Variants in SCN10A observed in about 807,000 individuals in gnomAD.
SCN10A encodes sodium voltage-gated channel alpha subunit 10, also known as sodium channel protein type 10 subunit alpha.
SCN10A carries 162 observed loss-of-function variants against 170.7 expected under a neutral mutation model. The observed-to-expected ratio is 0.95, with a 90% confidence interval of 0.84 to 1.08. The LOEUF is 1.08. Among genes scored for constraint, SCN10A ranks in the 50% least tolerant of loss-of-function variants. SCN10A has a pLI of 0.00. For missense variants in SCN10A, 2,527 were observed against 2,436.9 expected (o/e 1.04, Z -0.78); for synonymous variants, 985 against 904.6 (o/e 1.09, Z -1.59).
At chr3:38,711,783 A>G (rs2063276708) in intron 23 of SCN10A, among the ~76,000 whole-genome samples, 1 of 152,242 alleles carries the variant, frequency 6.6e-6, no homozygotes, top group African/African-American at 2.4e-5. Context: ...ATTATATATC[A>G]TTACAATAGA....
Position 38,742,290 on chromosome 3 carries a change from C to A in SCN10A, c.2106+1G>T, listed in dbSNP as rs758110703. On this transcript the variant is annotated splice_donor_variant, in intron 14 of 27. Transcript: ENST00000449082. LOFTEE classifies it high-confidence loss of function. ...AGGGCAGTACCAGCCAGAGCACTCA[C>A]GATGTTGCCTATCTGGAGCATGGCT... 6.2e-7 allele frequency: 1 copy of A among 1,610,648 alleles called. No homozygotes were observed. Among genetic ancestry groups the A allele is most frequent in the Non-Finnish European group, 8.5e-7 (1 of 1,177,562 alleles).
Position 38,702,181 on chromosome 3 carries a change from A to G in SCN10A, c.4387-72T>C, listed in dbSNP as rs368997757. Reference sequence around the variant, plus strand: ...AACCAGGCATCTGTGTTATCTGTAGATGAGTTTTGTCTCCATCACACTCCA... The same window carrying G: ...AACCAGGCATCTGTGTTATCTGTAGGTGAGTTTTGTCTCCATCACACTCCA... On this transcript the variant is annotated intron_variant, in intron 26 of 27. Coordinates refer to ENST00000449082, the MANE Select transcript of SCN10A (RefSeq NM_006514.4). 1.4e-4 allele frequency: 208 copies of G among 1,471,146 alleles called. 4 individuals carry two copies. The East Asian group carries it at 3.9e-3, about 28-fold the overall frequency. The allele number at this position is 1,471,146 out of a possible 1,614,324, so 91.1% of individuals were successfully genotyped here. A position where few individuals can be genotyped will look rare whatever the true frequency, so the allele number is the denominator to read the frequency against.
chr3:38,814,139 C>T (rs999872448), intron 1 of SCN10A, among the ~76,000 whole-genome samples: 1 of 152,058 alleles, frequency 6.6e-6, no homozygotes, highest in South Asian at 2.1e-4. Flanking sequence ...AGGCACTATG[C>T]CTTGTGAGAG....
intron 22 of SCN10A, 71 bp from the exon 23 acceptor site, chr3:38,712,516 T>A: frequency 1.3e-6 from 2 of 1,507,436 alleles, no homozygotes; most frequent in Non-Finnish European, 1.8e-6. Flanking sequence ...TATCTCTTTC[T>A]ATACTCATTC....
At chr3:38,760,622 G>A (rs370096923) in intron 8 of SCN10A, 59 bp downstream of exon 8, 15 of 1,335,480 alleles carry the variant, frequency 1.1e-5, no homozygotes, top group Middle Eastern at 1.8e-4. Context: ...AATATGCCAA[G>A]GACAAGATGG....
At position 38,794,795 on chromosome 3, in the gene SCN10A, A is replaced by G. The variant is rs376688035; in HGVS notation, c.-32-753T>C. On this transcript the variant is annotated intron_variant, in intron 1 of 27. Transcript: ENST00000449082. ...CAGTTTCTTCTAGTCTGAGGTTTCA[A>G]ATACACTCTTTTCTCACTATTCCCT... is the stretch of plus-strand genomic sequence containing the variant. Among the ~76,000 whole-genome samples the G allele has an allele frequency of 3.3e-5, 5 of 152,278 alleles. No homozygotes were observed. In the East Asian group the frequency reaches 5.8e-4, roughly 18 times the overall value.
intron 24 of SCN10A, 103 bp downstream of exon 24, chr3:38,710,741 C>T (rs1321300804): frequency 1.8e-6 from 2 of 1,131,558 alleles, no homozygotes; most frequent in South Asian, 1.4e-5. Context: ...TGGGTGATCG[C>T]CTCTTCCAGT....
At chr3:38,761,442 T>C (rs2063870686) in intron 6 of SCN10A, 59 bp from the exon 7 acceptor site, 5 of 1,445,340 alleles carry the variant, frequency 3.5e-6, no homozygotes, top group Non-Finnish European at 4.8e-6. Context: ...CGGAGCACAC[T>C]TCTTCATCTT....
At chr3:38,698,756 C>A (rs1179954381) in intron 27 of SCN10A, among the ~76,000 whole-genome samples, 194 bp from the exon 28 acceptor site, 12 of 152,090 alleles carry the variant, frequency 7.9e-5, no homozygotes, top group Non-Finnish European at 1.5e-5. Flanking sequence ...TTGCATAAGT[C>A]CTCTCTTCCT....
At chr3:38,772,736 C>CAA (rs1180592093) in intron 4 of SCN10A, among the ~76,000 whole-genome samples, 1 of 89,454 alleles carries the variant, frequency 1.1e-5, no homozygotes, top group East Asian at 2.5e-4. Context: ...AAAACAAAAA[C>CAA]AAAAAAAAAA....
At chr3:38,702,142 T>C in intron 26 of SCN10A, 33 bp from the exon 27 acceptor site, 1 of 1,523,528 alleles carries the variant, frequency 6.6e-7, no homozygotes, top group Non-Finnish European at 8.8e-7. Context: ...CATCAGGGCC[T>C]TTGGGCCAGC....
At position 38,712,382 on chromosome 3, in the gene SCN10A, T is replaced by G; in HGVS notation, c.3868A>C (p.Ile1290Leu). The G allele has an allele frequency of 6.2e-7, 1 of 1,614,158 alleles. No individual in the cohort carries two copies. The change falls in exon 23 of 28, where the codon ATC becomes CTC. Residue 1290 changes from isoleucine to leucine, a missense_variant. Physicochemically the swap from Ile to Leu is conservative, Grantham distance 5 (BLOSUM62 2). Coordinates refer to ENST00000449082, the MANE Select transcript of SCN10A (RefSeq NM_006514.4). Reference sequence around the variant, plus strand: ...ATGATGCTGAAGATGAGCCAGAAGATGAGGCAGACGAGGAGGACATTCATG... The same window carrying G: ...ATGATGCTGAAGATGAGCCAGAAGAGGAGGCAGACGAGGAGGACATTCATG... ...SIMNVLLVCL[I>L]FWLIFSIMGV...
At chr3:38,713,895 T>G (rs1335295635) in intron 22 of SCN10A, 63 bp downstream of exon 22, 1 of 1,595,288 alleles carries the variant, frequency 6.3e-7, no homozygotes, top group Non-Finnish European at 8.6e-7. Flanking sequence ...CCCAAAGTGC[T>G]GGGATTACAG....
intron 15 of SCN10A, among the ~76,000 whole-genome samples, chr3:38,731,093 T>C (rs1218803426): frequency 6.6e-6 from 1 of 152,074 alleles, no homozygotes; most frequent in Non-Finnish European, 1.5e-5. Context: ...ACACCAAAGA[T>C]GGATAGAAGA....
intron 6 of SCN10A, among the ~76,000 whole-genome samples, chr3:38,762,655 G>A (rs2063887791): frequency 6.6e-6 from 1 of 152,116 alleles, no homozygotes; most frequent in Non-Finnish European, 1.5e-5. Context: ...CTTCCCAGTT[G>A]AGAGTAAGTG....
chr3:38,742,649 A>G (rs1272115323), intron 13 of SCN10A, 120 bp from the exon 14 acceptor site: 1 of 758,664 alleles, frequency 1.3e-6, no homozygotes, highest in Non-Finnish European at 2.3e-6. Context: ...TTTTGACTTC[A>G]GCCCTCTCTC....
intron 22 of SCN10A, 26 bp from the exon 23 acceptor site, chr3:38,712,471 G>A: frequency 1.2e-6 from 2 of 1,608,486 alleles, no homozygotes; most frequent in Non-Finnish European, 1.7e-6. Context: ...GAAAGACCTG[G>A]AACCTCCCAA....
Position 38,748,964 on chromosome 3 carries a change from C to A in SCN10A, c.1867+1109G>T, listed in dbSNP as rs145653270. 1.9e-3 allele frequency among the ~76,000 whole-genome samples: 293 copies of A among 152,316 alleles called. 3 individuals are homozygous for A. The highest frequency in any genetic ancestry group is 2.5e-3 in the Admixed American group (39 of 15,304). On this transcript the variant is annotated intron_variant, in intron 13 of 27. Coordinates refer to ENST00000449082, the MANE Select transcript of SCN10A (RefSeq NM_006514.4). ...AAGTAGCATCACCCCCCAGATATCACCTTTGTTAATGCACTGCTCTTCTAG... is the reference window on the plus strand; with the variant it reads ...AAGTAGCATCACCCCCCAGATATCAACTTTGTTAATGCACTGCTCTTCTAG...
intron 27 of SCN10A, among the ~76,000 whole-genome samples, chr3:38,699,213 T>C (rs1427396551): frequency 1.3e-5 from 2 of 151,946 alleles, no homozygotes. Flanking sequence ...TTTTTTTTTT[T>C]TTTCGGTTCC....
Sources: gnomAD v4.1 joint callset for allele counts (sites outside exome capture counted in the v4.1 genomes callset) on GRCh38, gnomAD v4.1.1 for gene constraint, MANE v1.5 for transcripts, NCBI Gene and HGNC (gene_info 2026-07-23, HGNC 2026-07-21) for gene names.